Variants in LARS2 observed in about 807,000 individuals in gnomAD.
LARS2 encodes leucyl-tRNA synthetase 2, mitochondrial.
Under a neutral mutation model 116.6 loss-of-function variants are expected in LARS2, and 81 were observed. That is an observed-to-expected ratio of 0.69 (90% CI 0.58 to 0.84). The LOEUF (loss-of-function observed/expected upper bound fraction) is 0.84, where lower values mean the gene tolerates loss of function less well. Ranked by LOEUF, LARS2 falls within the 40% of genes least tolerant of loss-of-function variation. The pLI, the probability that LARS2 is intolerant of heterozygous loss-of-function variation, is 0.00. For synonymous variants in LARS2, 396 were observed against 407.2 expected (o/e 0.97, Z 0.33); for missense variants, 968 against 1,114.5 (o/e 0.87, Z 1.87).
At chr3:45,419,574 G>C (rs965653841) in intron 5 of LARS2, 95 bp from the exon 6 acceptor site, 33 of 938,164 alleles carry the variant, frequency 3.5e-5, no homozygotes, top group Non-Finnish European at 5.5e-5. Flanking sequence ...GAATAATTTA[G>C]ACTTTTTCAG....
At chr3:45,425,036 TA>T (rs1371762175) in intron 6 of LARS2, among the ~76,000 whole-genome samples, 3 of 152,200 alleles carry the variant, frequency 2.0e-5, no homozygotes, top group Admixed American at 1.3e-4. Flanking sequence ...GATTTATTAT[TA>T]TTTTTCCTTA....
intron 6 of LARS2, among the ~76,000 whole-genome samples, chr3:45,429,390 G>T (rs1698653553): frequency 6.6e-6 from 1 of 152,118 alleles, no homozygotes; most frequent in South Asian, 2.1e-4. Flanking sequence ...TTCCATACTG[G>T]TCATCAGCCA....
intron 15 of LARS2, 60 bp downstream of exon 15, chr3:45,500,639 G>A (rs1559489490): frequency 2.3e-6 from 3 of 1,316,034 alleles, no homozygotes; most frequent in Non-Finnish European, 3.1e-6. Context: ...CTTTAAGCAG[G>A]TGTCAGTTCT....
intron 6 of LARS2, among the ~76,000 whole-genome samples, chr3:45,425,278 T>TCTCC (rs1468678225): frequency 6.6e-6 from 1 of 152,204 alleles, no homozygotes; most frequent in Non-Finnish European, 1.5e-5. Context: ...ACCTGTAGAT[T>TCTCC]CTCCCTCATT....
chr3:45,526,561 G>C (rs1015136570), intron 20 of LARS2, among the ~76,000 whole-genome samples: 1 of 152,004 alleles, frequency 6.6e-6, no homozygotes, highest in Non-Finnish European at 1.5e-5. Context: ...CCTGCTTATC[G>C]GTAGACAAAA....
At chr3:45,511,243 G>A (rs1370525372) in intron 15 of LARS2, among the ~76,000 whole-genome samples, 2 of 152,178 alleles carry the variant, frequency 1.3e-5, no homozygotes, top group African/African-American at 4.8e-5. Flanking sequence ...ATATATTCAT[G>A]TAACTAGCAG....
At chr3:45,526,417 T>A (rs1700531986) in intron 20 of LARS2, among the ~76,000 whole-genome samples, 1 of 152,118 alleles carries the variant, frequency 6.6e-6, no homozygotes, top group Admixed American at 6.6e-5. Flanking sequence ...GTGCTTGTGG[T>A]GGAGGAGGCA....
chr3:45,463,539 C>G (rs1368949874), intron 8 of LARS2, among the ~76,000 whole-genome samples: 2 of 152,082 alleles, frequency 1.3e-5, no homozygotes, highest in East Asian at 3.8e-4. Context: ...GGTAGGTACT[C>G]CTCTTATCTT....
chr3:45,409,050 T>C (rs760666926), intron 4 of LARS2, among the ~76,000 whole-genome samples: 2 of 152,194 alleles, frequency 1.3e-5, no homozygotes, highest in African/African-American at 4.8e-5. Context: ...TCAAAGTGTA[T>C]TTTCAGTAGA....
At chr3:45,448,697 T>C (rs780709112) in intron 7 of LARS2, among the ~76,000 whole-genome samples, 11 of 152,218 alleles carry the variant, frequency 7.2e-5, no homozygotes, top group Non-Finnish European at 1.5e-4. Context: ...AAGGAATAGG[T>C]TGGGCTAGTT....
At chr3:45,514,209 A>G (rs113569697) in intron 16 of LARS2, among the ~76,000 whole-genome samples, 2 of 152,064 alleles carry the variant, frequency 1.3e-5, no homozygotes, top group Non-Finnish European at 2.9e-5. Flanking sequence ...CTGTCTCAAA[A>G]AAAAAAAAGA....
chr3:45,505,529 A>C (rs1428093927), intron 15 of LARS2, among the ~76,000 whole-genome samples: 1 of 151,826 alleles, frequency 6.6e-6, no homozygotes, highest in Non-Finnish European at 1.5e-5. Flanking sequence ...GTTAAAAAAA[A>C]AAAAAAAATT....
chr3:45,492,158 G>GA (rs1215261254), intron 13 of LARS2, among the ~76,000 whole-genome samples: 1 of 152,226 alleles, frequency 6.6e-6, no homozygotes, highest in Non-Finnish European at 1.5e-5. Context: ...GGAGAGGGGA[G>GA]AAAATGTTCT....
Position 45,430,145 on chromosome 3 carries a change from T to C in LARS2, c.516+10416T>C, listed in dbSNP as rs370868465. On this transcript the variant is annotated intron_variant, in intron 6 of 21. Transcript: ENST00000645846. ...TGCCACCACGCCTGGCCAATTTTTTTTGTATTTTTAGTAGAGATGGGGTTT... is the reference window on the plus strand; with the variant it reads ...TGCCACCACGCCTGGCCAATTTTTTCTGTATTTTTAGTAGAGATGGGGTTT... 5.7e-4 allele frequency among the ~76,000 whole-genome samples: 85 copies of C among 149,802 alleles called. No homozygotes were observed. The South Asian group carries it at 0.012, about 22-fold the overall frequency.
In LARS2 at chr3:45,491,742, G is replaced by A. The variant is rs773002970; in HGVS notation, c.1465G>A (p.Gly489Ser). Residue 489 changes from glycine (G) to serine (S), a missense_variant, in exon 13 of 22, where the codon GGC (glycine) becomes AGC (serine). Transcript: ENST00000645846. The stretch of plus-strand genomic sequence containing the variant: ...CCTGCCCAACATCGCGTCTTTCACT[G>A]GCAAGGGAGGCCCCCCACTGGCCAT... ...VTLPNIASFT[G>S]KGGPPLAMAS... 2 of 1,613,822 alleles carry A rather than the reference G, an allele frequency of 1.2e-6. No individual in the cohort carries two copies. Among genetic ancestry groups the A allele is most frequent in the Non-Finnish European group, 1.7e-6 (2 of 1,179,758 alleles).
chr3:45,431,603 T>C (rs995248222), intron 6 of LARS2, among the ~76,000 whole-genome samples: 4 of 152,086 alleles, frequency 2.6e-5, no homozygotes, highest in Non-Finnish European at 5.9e-5. Flanking sequence ...AATGGGAATG[T>C]TATAACTTTT....
At chr3:45,404,719 C>T (rs1698204701) in intron 4 of LARS2, among the ~76,000 whole-genome samples, 1 of 152,122 alleles carries the variant, frequency 6.6e-6, no homozygotes, top group Non-Finnish European at 1.5e-5. Context: ...CCTCAGCCTC[C>T]CGAGTAGCTG....
intron 8 of LARS2, among the ~76,000 whole-genome samples, chr3:45,462,824 C>G (rs1699355540): frequency 6.6e-6 from 1 of 152,144 alleles, no homozygotes; most frequent in South Asian, 2.1e-4. Context: ...ATTTTAAAGA[C>G]AGTGCCTGAT....
At chr3:45,467,001 G>T (rs1039984645) in intron 8 of LARS2, among the ~76,000 whole-genome samples, 2 of 152,198 alleles carry the variant, frequency 1.3e-5, no homozygotes, top group Non-Finnish European at 2.9e-5. Context: ...GCCAGTCAGC[G>T]TGTGTTGCAG....
Sources: allele counts gnomAD v4.1 joint callset (sites outside exome capture counted in the v4.1 genomes callset), GRCh38; gene constraint gnomAD v4.1.1; transcripts MANE v1.5; gene names NCBI Gene and HGNC (gene_info 2026-07-23, HGNC 2026-07-21).